Variants in MED13L observed in about 807,000 individuals in gnomAD.
MED13L encodes mediator of RNA polymerase II transcription subunit 13-like.
Under a neutral mutation model 220.9 loss-of-function variants are expected in MED13L, and 7 were observed. That is an observed-to-expected ratio of 0.03 (90% confidence interval 0.02 to 0.06). The LOEUF (loss-of-function observed/expected upper bound fraction) is 0.06. MED13L is among the 10% of genes least tolerant of loss of function. MED13L has a pLI of 1.00. For missense variants in MED13L, 1,965 were observed against 2,760.5 expected, an observed-to-expected ratio of 0.71 and a Z score of 6.46; for synonymous variants, 1,011 against 1,015.2, an observed-to-expected ratio of 1.00 and a Z score of 0.08.
chr12:115,971,566 A>T (rs1876586303), intron 26 of MED13L, among the ~76,000 whole-genome samples: 1 of 152,230 alleles, frequency 6.6e-6, no homozygotes, highest in Non-Finnish European at 1.5e-5. Flanking sequence ...GGCCATCCAC[A>T]AATGACACCT....
chr12:116,273,055 A>T (rs1873513423), intron 1 of MED13L, among the ~76,000 whole-genome samples: 1 of 152,226 alleles, frequency 6.6e-6, no homozygotes. Context: ...CTGTAATCCC[A>T]GCACTTTGGG....
chr12:116,262,279 G>T (rs900212866), intron 1 of MED13L, among the ~76,000 whole-genome samples: 1 of 152,038 alleles, frequency 6.6e-6, no homozygotes, highest in African/African-American at 2.4e-5. Context: ...TTTACAAATG[G>T]CTAAAGAGTT....
intron 2 of MED13L, among the ~76,000 whole-genome samples, chr12:116,112,490 G>A (rs895379954): frequency 6.6e-6 from 1 of 152,264 alleles, no homozygotes; most frequent in Admixed American, 6.5e-5. Context: ...GACAGCATTT[G>A]AAAAACTACA....
At chr12:116,187,717 G>GT (rs2081494080) in intron 2 of MED13L, among the ~76,000 whole-genome samples, 2 of 152,020 alleles carry the variant, frequency 1.3e-5, no homozygotes, top group African/African-American at 4.8e-5. Context: ...TCTGGAATCT[G>GT]TACTGATCCA....
chr12:116,128,879 A>G (rs1875826576), intron 2 of MED13L, among the ~76,000 whole-genome samples: 1 of 152,208 alleles, frequency 6.6e-6, no homozygotes, highest in African/African-American at 2.4e-5. Context: ...TCCCTACAGT[A>G]TTTATCATAA....
rs1311113589 is a variant in MED13L at position 116,190,953 on chromosome 12, G to A, written c.310+46515C>T. 1.4e-4 allele frequency among the ~76,000 whole-genome samples: 21 copies of A among 151,992 alleles called. No individual in the cohort carries two copies. The East Asian group carries it at 2.1e-3, about 15-fold the overall frequency. ...CTAAAAATACAAAAATTAGTCGGGC[G>A]TGGTGGTGCGTGCCTGTAGTCCCAG... On this transcript the variant is annotated intron_variant, in intron 2 of 30. Coordinates refer to ENST00000281928, the MANE Select transcript of MED13L (RefSeq NM_015335.5).
chr12:116,179,207 G>A (rs1220264695), intron 2 of MED13L, among the ~76,000 whole-genome samples: 9 of 57,026 alleles, frequency 1.6e-4, no homozygotes, highest in African/African-American at 4.3e-4. Context: ...CGATTTACGT[G>A]TGTGTGTGTG....
chr12:116,203,481 A>G (rs1298594604), intron 2 of MED13L, among the ~76,000 whole-genome samples: 1 of 152,062 alleles, frequency 6.6e-6, no homozygotes, highest in East Asian at 1.9e-4. Context: ...AGCTGGTGGT[A>G]AAAGTGAAGA....
intron 2 of MED13L, among the ~76,000 whole-genome samples, chr12:116,234,961 C>T (rs1869934447): frequency 6.6e-6 from 1 of 151,990 alleles, no homozygotes; most frequent in Admixed American, 6.6e-5. Context: ...CCATGCTCCG[C>T]CTATAATTTA....
chr12:116,005,615 A>G (rs1263543222), intron 13 of MED13L, among the ~76,000 whole-genome samples: 2 of 152,208 alleles, frequency 1.3e-5, no homozygotes, highest in African/African-American at 2.4e-5. Context: ...TACACTAATG[A>G]AAAAGATCCT....
intron 2 of MED13L, among the ~76,000 whole-genome samples, chr12:116,151,539 G>GA (rs1334679991): frequency 6.6e-6 from 1 of 152,160 alleles, no homozygotes; most frequent in Non-Finnish European, 1.5e-5. Context: ...TTGGCCTTTA[G>GA]AAAAATGCAG....
At chr12:116,017,651 C>T (rs1879805796) in intron 7 of MED13L, among the ~76,000 whole-genome samples, 1 of 152,100 alleles carries the variant, frequency 6.6e-6, no homozygotes, top group Admixed American at 6.5e-5. Flanking sequence ...GGTCTAGCTC[C>T]GTCGACCATG....
At chr12:116,188,205 G>C (rs192558188) in intron 2 of MED13L, among the ~76,000 whole-genome samples, 19 of 151,864 alleles carry the variant, frequency 1.3e-4, no homozygotes, top group Admixed American at 1.1e-3. Flanking sequence ...AAAGGAATAA[G>C]TTAACTATAT....
chr12:116,071,879 T>C (rs1488151924), intron 4 of MED13L, among the ~76,000 whole-genome samples: 1 of 152,218 alleles, frequency 6.6e-6, no homozygotes, highest in East Asian at 1.9e-4. Flanking sequence ...AAATTCCCTT[T>C]CTGCTCCATA....
At chr12:116,080,794 G>T (rs1343014250) in intron 4 of MED13L, among the ~76,000 whole-genome samples, 1 of 152,190 alleles carries the variant, frequency 6.6e-6, no homozygotes. Flanking sequence ...AGCAACTGCG[G>T]CTATTTAAGA....
intron 4 of MED13L, among the ~76,000 whole-genome samples, chr12:116,079,169 TTATTAC>T (rs761108445): frequency 5.3e-5 from 8 of 152,218 alleles, no homozygotes; most frequent in Admixed American, 4.6e-4. Flanking sequence ...GGGTTTATTA[TTATTAC>T]TATTTTAAAA....
intron 2 of MED13L, 99 bp from the exon 3 acceptor site, chr12:116,111,611 G>T: frequency 1.1e-6 from 1 of 886,516 alleles, no homozygotes; most frequent in Non-Finnish European, 1.7e-6. Context: ...AAGTTCATGA[G>T]TTAATTTAAA....
intron 1 of MED13L, among the ~76,000 whole-genome samples, chr12:116,268,588 C>T (rs1037777717): frequency 2.0e-5 from 3 of 151,884 alleles, no homozygotes; most frequent in Non-Finnish European, 4.4e-5. Context: ...GAGTTTGAAA[C>T]CGCCTGAGCA....
At position 116,198,444 on chromosome 12, in the gene MED13L, A is replaced by C. The variant is rs536330711; in HGVS notation, c.310+39024T>G. Among the ~76,000 whole-genome samples the C allele has an allele frequency of 1.9e-4, 29 of 152,208 alleles. No homozygotes were observed. The South Asian group carries it at 5.8e-3, about 31-fold the overall frequency. ...TGAAATCTAACTCTTCTGTAAAGGCAGTAGTGCCGCCTACATTTGCAATAC... is the reference window on the plus strand; with the variant it reads ...TGAAATCTAACTCTTCTGTAAAGGCCGTAGTGCCGCCTACATTTGCAATAC... On this transcript the variant is annotated intron_variant, in intron 2 of 30. Transcript: ENST00000281928.
Sources: allele counts gnomAD v4.1 joint callset (sites outside exome capture counted in the v4.1 genomes callset), GRCh38; gene constraint gnomAD v4.1.1; transcripts MANE v1.5; gene names NCBI Gene and HGNC (gene_info 2026-07-23, HGNC 2026-07-21).